The following CTTNBP2 variants were observed in gnomAD, a reference collection of about 807,000 sequenced individuals.
The protein encoded by CTTNBP2 is cortactin-binding protein 2.
CTTNBP2 carries 108 observed loss-of-function variants against 156.9 expected under a neutral mutation model. The ratio of observed to expected loss-of-function variants is 0.69; its 90% confidence interval spans 0.59 to 0.81. CTTNBP2 has a LOEUF of 0.81. Among genes scored for constraint, CTTNBP2 ranks in the 30% least tolerant of loss-of-function variants. The pLI, the probability that CTTNBP2 is intolerant of heterozygous loss-of-function variation, is 0.00. For missense variants in CTTNBP2, 1,924 were observed against 2,035.4 expected, an observed-to-expected ratio of 0.95 and a Z score of 1.05; for synonymous variants, 767 against 751.8, an observed-to-expected ratio of 1.02 and a Z score of -0.33.
chr7:117,873,066 G>A (rs946587872), intron 1 of CTTNBP2, among the ~76,000 whole-genome samples: 4 of 152,200 alleles, frequency 2.6e-5, no homozygotes, highest in African/African-American at 9.6e-5. Flanking sequence ...CGCAGACAGG[G>A]AGCTGGGAGA....
intron 2 of CTTNBP2, among the ~76,000 whole-genome samples, chr7:117,835,748 CTG>C (rs1211662829): frequency 1.3e-5 from 2 of 152,140 alleles, no homozygotes; most frequent in African/African-American, 4.8e-5. Flanking sequence ...TGGAAAGAGA[CTG>C]GAGATTATAA....
chr7:117,794,429 G>A (rs1799202769), intron 3 of CTTNBP2, among the ~76,000 whole-genome samples: 1 of 152,154 alleles, frequency 6.6e-6, no homozygotes, highest in Admixed American at 6.5e-5. Flanking sequence ...GATAGGACTT[G>A]TTTTCTCCTG....
chr7:117,836,537 T>C, intron 2 of CTTNBP2, among the ~76,000 whole-genome samples: 1 of 152,194 alleles, frequency 6.6e-6, no homozygotes, highest in East Asian at 1.9e-4. Flanking sequence ...CACTCCAGCC[T>C]GGGCGACAGA....
At chr7:117,774,584 T>C (rs1797993551) in intron 8 of CTTNBP2, among the ~76,000 whole-genome samples, 1 of 152,172 alleles carries the variant, frequency 6.6e-6, no homozygotes, top group Non-Finnish European at 1.5e-5. Flanking sequence ...ATGCTCCTTA[T>C]GAGGTGGAAC....
chr7:117,719,474 C>A, intron 21 of CTTNBP2, 30 bp downstream of exon 21: 1 of 1,592,184 alleles, frequency 6.3e-7, no homozygotes, highest in Non-Finnish European at 8.6e-7. Flanking sequence ...TGAGTAGAGC[C>A]ATTCAATGCC....
chr7:117,765,763 T>C (rs1435267811), intron 9 of CTTNBP2, among the ~76,000 whole-genome samples: 1 of 152,142 alleles, frequency 6.6e-6, no homozygotes, highest in Non-Finnish European at 1.5e-5. Context: ...AGACTCTCTA[T>C]AGGTTGATTT....
chr7:117,755,531 G>T, intron 12 of CTTNBP2: 1 of 470,312 alleles, frequency 2.1e-6, no homozygotes. Context: ...CTTGCTAGAT[G>T]CATGACTTTG....
rs1283380785 is a variant in CTTNBP2 at position 117,734,898 on chromosome 7, C to T, written c.3876+15G>A. On this transcript the variant is annotated intron_variant, in intron 16 of 22. Coordinates refer to ENST00000160373, the MANE Select transcript of CTTNBP2 (RefSeq NM_033427.3). ...CCTGCTCTCCTGGCAACAGGCTGCA[C>T]TTGCTGTTTGTTACCTTATTCACAA... 1 of 1,569,006 alleles carries T rather than the reference C, an allele frequency of 6.4e-7. No individual in the cohort carries two copies.
chr7:117,756,609 A>T lies in CTTNBP2; in HGVS notation c.3294T>A (p.Ser1098Arg). ...LSGPQEGCLS[S>R]VTYASMIPLQ... ...GAGGGATCATGGAGGCATAAGTCACACTACTGAGACAGCCTTCTTGAGGAC... is the reference window on the plus strand; with the variant it reads ...GAGGGATCATGGAGGCATAAGTCACTCTACTGAGACAGCCTTCTTGAGGAC... The change falls in exon 12 of 23, where the codon AGT (serine) becomes AGA (arginine). Residue 1098 changes from serine to arginine, a missense_variant. Ser to Arg is a moderately radical substitution (Grantham distance 110). Transcript: ENST00000160373. 6.2e-7 allele frequency: 1 copy of T among 1,613,630 alleles called. No homozygotes were observed. The highest frequency in any genetic ancestry group is 8.5e-7 in the Non-Finnish European group (1 of 1,179,532).
At chr7:117,859,691 A>T (rs1803581925) in intron 2 of CTTNBP2, among the ~76,000 whole-genome samples, 2 of 152,218 alleles carry the variant, frequency 1.3e-5, no homozygotes, top group South Asian at 4.1e-4. Context: ...ATTTGCCAGC[A>T]ATACAGATGT....
chr7:117,720,397 AAATT>A (rs1396416389), intron 20 of CTTNBP2, among the ~76,000 whole-genome samples: 3 of 152,208 alleles, frequency 2.0e-5, no homozygotes, highest in East Asian at 1.9e-4. Context: ...ACAATATAAT[AAATT>A]ATCACTGTAA....
chr7:117,831,267 C>T (rs1184421484), intron 2 of CTTNBP2, among the ~76,000 whole-genome samples: 1 of 152,140 alleles, frequency 6.6e-6, no homozygotes, highest in African/African-American at 2.4e-5. Flanking sequence ...TGTCTGTGGG[C>T]TTCATCATGA....
intron 8 of CTTNBP2, among the ~76,000 whole-genome samples, chr7:117,774,177 G>A (rs1797972859): frequency 6.6e-6 from 1 of 152,104 alleles, no homozygotes; most frequent in African/African-American, 2.4e-5. Context: ...TGTAGAGAGA[G>A]GTTTTCCGAT....
chr7:117,855,433 T>C (rs1027464966), intron 2 of CTTNBP2, among the ~76,000 whole-genome samples: 2 of 152,174 alleles, frequency 1.3e-5, no homozygotes, highest in Admixed American at 1.3e-4. Flanking sequence ...AAATCAGTTT[T>C]AAAAATAGTC....
chr7:117,801,492 C>A (rs1773329006), intron 3 of CTTNBP2, among the ~76,000 whole-genome samples: 1 of 152,128 alleles, frequency 6.6e-6, no homozygotes. Flanking sequence ...AATGCCTGAT[C>A]TTGAATTGGG....
chr7:117,872,875 C>A (rs891444501), intron 1 of CTTNBP2, among the ~76,000 whole-genome samples: 15 of 152,308 alleles, frequency 9.8e-5, no homozygotes, highest in Non-Finnish European at 1.8e-4. Flanking sequence ...CCCACCTCCC[C>A]CAAGCTGCTC....
chr7:117,715,817 G>GGAGAAAGT (rs1794324107), intron 22 of CTTNBP2: 1 of 152,170 alleles, frequency 6.6e-6, no homozygotes, highest in East Asian at 1.9e-4. Flanking sequence ...TGGCCATGAA[G>GGAGAAAGT]GAGAAAGTGA....
chr7:117,773,924 T>C (rs35811443), intron 8 of CTTNBP2, among the ~76,000 whole-genome samples: 4 of 152,026 alleles, frequency 2.6e-5, no homozygotes, highest in East Asian at 3.9e-4. Flanking sequence ...CCTCCTCCTG[T>C]AGTCAAAAAT....
chr7:117,714,439 G>A (rs973974467), intron 22 of CTTNBP2, among the ~76,000 whole-genome samples: 3 of 152,168 alleles, frequency 2.0e-5, no homozygotes, highest in Non-Finnish European at 2.9e-5. Context: ...TTATAATAAG[G>A]ATAACAGTTA....
Sources: allele counts gnomAD v4.1 joint callset (sites outside exome capture counted in the v4.1 genomes callset), GRCh38; gene constraint gnomAD v4.1.1; transcripts MANE v1.5; gene names NCBI Gene and HGNC (gene_info 2026-07-23, HGNC 2026-07-21).